Variants in PRKN observed in about 807,000 individuals in gnomAD.
The protein encoded by PRKN is parkin RBR E3 ubiquitin protein ligase.
In PRKN, 56 loss-of-function variants were observed where a neutral mutation model predicts 59.5. The observed-to-expected ratio is 0.94, with a 90% CI of 0.76 to 1.18. The LOEUF is 1.18. PRKN is among the 50% of genes most tolerant of loss of function. PRKN has a pLI of 0.00. For synonymous variants in PRKN, 250 were observed against 222.1 expected, an observed-to-expected ratio of 1.13 and a Z score of -1.12; for missense variants, 657 against 596.4, an observed-to-expected ratio of 1.10 and a Z score of -1.06.
At chr6:162,203,591 A>T (rs949534004) in intron 3 of PRKN, among the ~76,000 whole-genome samples, 8 of 152,194 alleles carry the variant, frequency 5.3e-5, no homozygotes, top group Admixed American at 5.2e-4. Context: ...CACCCCGACA[A>T]TCTTCTGGGC....
At chr6:162,673,776 C>A (rs967610234) in intron 1 of PRKN, among the ~76,000 whole-genome samples, 1 of 152,176 alleles carries the variant, frequency 6.6e-6, no homozygotes, top group Non-Finnish European at 1.5e-5. Context: ...GAATCAGGAA[C>A]CTGAGCTCAT....
chr6:162,217,093 T>G (rs932776554), intron 3 of PRKN, among the ~76,000 whole-genome samples: 5 of 152,310 alleles, frequency 3.3e-5, no homozygotes, highest in Admixed American at 2.6e-4. Flanking sequence ...AATGCAGCTA[T>G]TCTACAATCG....
At chr6:162,298,477 T>C (rs545176056) in intron 2 of PRKN, among the ~76,000 whole-genome samples, 1 of 152,154 alleles carries the variant, frequency 6.6e-6, no homozygotes, top group South Asian at 2.1e-4. Flanking sequence ...TGTTTTCTTC[T>C]GGAATCTGAA....
At chr6:162,136,721 TTAAC>T (rs1230061154) in intron 4 of PRKN, among the ~76,000 whole-genome samples, 1 of 152,186 alleles carries the variant, frequency 6.6e-6, no homozygotes, top group Non-Finnish European at 1.5e-5. Context: ...GATTTTCACT[TTAAC>T]TACAGGAAAC....
chr6:162,295,729 C>T (rs1053252513), intron 2 of PRKN, among the ~76,000 whole-genome samples: 1 of 152,174 alleles, frequency 6.6e-6, no homozygotes, highest in African/African-American at 2.4e-5. Context: ...CCACTAACTT[C>T]ATAATTCTAG....
At chr6:161,866,447 T>C (rs1329975794) in intron 6 of PRKN, among the ~76,000 whole-genome samples, 2 of 151,970 alleles carry the variant, frequency 1.3e-5, no homozygotes, top group East Asian at 1.9e-4. Context: ...TGGTGGCGCA[T>C]GCCTGTAGTC....
At chr6:162,562,132 T>C (rs1223018104) in intron 1 of PRKN, among the ~76,000 whole-genome samples, 2 of 152,062 alleles carry the variant, frequency 1.3e-5, no homozygotes, top group Non-Finnish European at 2.9e-5. Context: ...GGCAACAGAC[T>C]GAATTGTGAG....
intron 4 of PRKN, among the ~76,000 whole-genome samples, chr6:162,114,790 A>G (rs891062178): frequency 1.3e-5 from 2 of 151,908 alleles, no homozygotes; most frequent in Non-Finnish European, 2.9e-5. Flanking sequence ...CAAAACCACA[A>G]TGAGATACCA....
chr6:161,785,551 A>G (rs1157954394), intron 7 of PRKN, among the ~76,000 whole-genome samples: 1 of 152,204 alleles, frequency 6.6e-6, no homozygotes, highest in Admixed American at 6.5e-5. Context: ...CTTATTCTCA[A>G]TGCCTTTATG....
chr6:162,305,154 G>C (rs1257544882), intron 2 of PRKN, among the ~76,000 whole-genome samples: 1 of 152,020 alleles, frequency 6.6e-6, no homozygotes, highest in African/African-American at 2.4e-5. Flanking sequence ...ACTGAATTTA[G>C]AAGGAAAACA....
intron 1 of PRKN, among the ~76,000 whole-genome samples, chr6:162,452,120 T>A: frequency 6.6e-6 from 1 of 152,104 alleles, no homozygotes; most frequent in East Asian, 1.9e-4. Flanking sequence ...AAGCAAAAAA[T>A]GCTTGTCAAT....
intron 1 of PRKN, among the ~76,000 whole-genome samples, chr6:162,664,566 AC>A (rs1779023319): frequency 6.6e-6 from 1 of 152,014 alleles, no homozygotes; most frequent in Non-Finnish European, 1.5e-5. Context: ...TTGTTTCCTG[AC>A]TTTTTAATAA....
At chr6:162,511,672 A>G (rs921557172) in intron 1 of PRKN, among the ~76,000 whole-genome samples, 1 of 152,090 alleles carries the variant, frequency 6.6e-6, no homozygotes, top group African/African-American at 2.4e-5. Flanking sequence ...TGGGGAGAGT[A>G]AGGGACTAGT....
chr6:162,630,430 T>C (rs1783062519), intron 1 of PRKN, among the ~76,000 whole-genome samples: 1 of 152,182 alleles, frequency 6.6e-6, no homozygotes, highest in Admixed American at 6.5e-5. Context: ...CTGAGCATTC[T>C]GCCTGATTAC....
intron 9 of PRKN, among the ~76,000 whole-genome samples, chr6:161,465,203 T>A (rs1210360566): frequency 6.6e-6 from 1 of 152,228 alleles, no homozygotes. Context: ...GTTTGCTTAC[T>A]GCTCTAGTTC....
chr6:161,591,892 T>C (rs1217206280), intron 7 of PRKN, among the ~76,000 whole-genome samples: 1 of 152,184 alleles, frequency 6.6e-6, no homozygotes. Flanking sequence ...TATGCATTTT[T>C]TTTTTAAGAA....
In PRKN at chr6:161,355,708, C is replaced by T. The variant is rs1245719246; in HGVS notation, c.1285+4380G>A. Among the ~76,000 whole-genome samples, 2 of 152,106 alleles carry T rather than the reference C, an allele frequency of 1.3e-5. No homozygotes were observed. Among genetic ancestry groups the T allele is most frequent in the African/African-American group, 4.8e-5 (2 of 41,426 alleles). On this transcript the variant is annotated intron_variant, in intron 11 of 11. Transcript: ENST00000366898. This position sits in a 1 kb window ranked among gnomAD's most constrained non-coding sequence, Gnocchi z 6.8. ...GGCGTGAGTCACCACGCCCGGCCTA[C>T]AAGCTAAGTTTTAATTCAGCAAATA...
chr6:162,453,935 A>T (rs1456952302), intron 1 of PRKN, among the ~76,000 whole-genome samples: 1 of 152,108 alleles, frequency 6.6e-6, no homozygotes, highest in Non-Finnish European at 1.5e-5. Context: ...TGGACATAAT[A>T]ATAAGGGCAA....
At chr6:162,279,504 G>A (rs1028108184) in intron 2 of PRKN, among the ~76,000 whole-genome samples, 1 of 152,096 alleles carries the variant, frequency 6.6e-6, no homozygotes, top group Non-Finnish European at 1.5e-5. Flanking sequence ...AGAATCCTCT[G>A]TCTTAATCCT....
Sources: gnomAD v4.1 joint callset for allele counts (sites outside exome capture counted in the v4.1 genomes callset) on GRCh38, gnomAD v4.1.1 for gene constraint, Gnocchi (gnomAD v3.1) non-coding constraint, MANE v1.5 for transcripts, NCBI Gene and HGNC (gene_info 2026-07-23, HGNC 2026-07-21) for gene names.